Variants in SLC35E1 observed in about 807,000 individuals in gnomAD.
The protein encoded by SLC35E1 is solute carrier family 35, member E1.
A neutral mutation model predicts 31.0 loss-of-function variants in SLC35E1; 12 were observed. That is an observed-to-expected ratio of 0.39 (90% confidence interval 0.25 to 0.63). SLC35E1 has a LOEUF of 0.63. Among genes scored for constraint, SLC35E1 ranks in the 20% least tolerant of loss-of-function variants. The pLI, the probability that SLC35E1 is intolerant of heterozygous loss-of-function variation, is 0.52. For synonymous variants in SLC35E1, 257 were observed against 264.1 expected (o/e 0.97, Z 0.26); for missense variants, 429 against 572.2 (o/e 0.75, Z 2.55).
Position 16,555,302 on chromosome 19 carries a change from G to A in SLC35E1, c.852C>T (p.Asn284=). ...CCGAGTAGCTCAGGGGGCTAACGAG[G>A]TTGAGGATGCTGAAGGCGATAACAT... The part of the protein sequence containing the change: ...AQNVIAFSIL[N]LVSPLSYSVA... Residue 284 remains asparagine, a synonymous_variant, in exon 5 of 6, where the codon AAC becomes AAT. Coordinates refer to ENST00000595753, the MANE Select transcript of SLC35E1 (RefSeq NM_024881.5). The surrounding 1 kb of genome is among the most constrained non-coding windows in gnomAD (Gnocchi z 4.1). 2 of 1,614,192 alleles carry A rather than the reference G, an allele frequency of 1.2e-6. No homozygotes were observed. The highest frequency in any genetic ancestry group is 1.3e-5 in the African/African-American group (1 of 75,046).
chr19:16,566,987 TAA>T, intron 3 of SLC35E1, among the ~76,000 whole-genome samples: 1 of 152,348 alleles, frequency 6.6e-6, no homozygotes, highest in East Asian at 1.9e-4. Flanking sequence ...CAAACCATAT[TAA>T]GAGTGATTAA....
rs1568268992 is a variant in SLC35E1, at chr19:16,549,984, G to A, written c.*3695C>T. 6.6e-6 allele frequency: 1 copy of A among 152,146 alleles called. No homozygotes were observed. Among genetic ancestry groups the A allele is most frequent in the Non-Finnish European group, 1.5e-5 (1 of 68,030 alleles). 9.4% of individuals were successfully genotyped at this position (152,146 alleles called of 1,614,324 possible). On this transcript the variant is annotated 3_prime_UTR_variant, in exon 6 of 6. Coordinates refer to ENST00000595753, the MANE Select transcript of SLC35E1 (RefSeq NM_024881.5). ...TTTTCAGGTCTTTTAATAATTCAAT[G>A]CTCTGTGTCCTTCAGGCTGTGAGAC...
At chr19:16,554,268 A>G (rs923221151) in intron 5 of SLC35E1, among the ~76,000 whole-genome samples, 3 of 120,720 alleles carry the variant, frequency 2.5e-5, no homozygotes, top group Admixed American at 8.0e-5. Context: ...GCTGTCTCAG[A>G]AAAAAAAAAA....
In SLC35E1 at chr19:16,566,622, C is replaced by T. The variant is rs369139247; in HGVS notation, c.666G>A (p.Leu222=). 14 of 1,612,448 alleles carry T rather than the reference C, an allele frequency of 8.7e-6. 1 individual carries two copies. The highest frequency in any genetic ancestry group is 4.0e-5 in the African/African-American group (3 of 74,866). The change falls in exon 4 of 6, where the codon CTG becomes CTA. Residue 222 remains leucine (L), a synonymous_variant. Coordinates refer to ENST00000595753, the MANE Select transcript of SLC35E1 (RefSeq NM_024881.5). ...LRDSRIHHLR[L]LNILGCHAVF... ...CGGCGTGGCAGCCCAGGATGTTGAG[C>T]AGCCGGAGATGGTGGATCCGTGAAT...
chr19:16,557,962 C>T (rs751655330), intron 4 of SLC35E1, among the ~76,000 whole-genome samples: 3 of 152,004 alleles, frequency 2.0e-5, no homozygotes, highest in South Asian at 2.1e-4. Context: ...TACAGGCGCC[C>T]GCCACCATGC....
chr19:16,561,583 T>C (rs2085906730), intron 4 of SLC35E1, among the ~76,000 whole-genome samples: 1 of 152,204 alleles, frequency 6.6e-6, no homozygotes, highest in Admixed American at 6.5e-5. Flanking sequence ...TCCCCGCCTG[T>C]CTTTTGCCAA....
At chr19:16,558,958 C>T (rs932158883) in intron 4 of SLC35E1, among the ~76,000 whole-genome samples, 7 of 150,122 alleles carry the variant, frequency 4.7e-5, no homozygotes, top group Non-Finnish European at 8.9e-5. Flanking sequence ...TTAGTAGAGA[C>T]GGGGTTTCTC....
chr19:16,556,642 C>T (rs75596613), intron 4 of SLC35E1, among the ~76,000 whole-genome samples: 3,314 of 152,310 alleles, frequency 0.022, 129 homozygotes, highest in African/African-American at 0.075. Flanking sequence ...CTAGGCTGGT[C>T]CCAGGACAGG....
intron 5 of SLC35E1, among the ~76,000 whole-genome samples, chr19:16,554,691 G>A (rs954144354): frequency 4.0e-5 from 6 of 151,874 alleles, no homozygotes; most frequent in African/African-American, 1.2e-4. Context: ...TGTGGTAGGC[G>A]CCTGTAGTCC....
At chr19:16,557,126 T>C (rs1164692338) in intron 4 of SLC35E1, 1 of 359,106 alleles carries the variant, frequency 2.8e-6, no homozygotes, top group Non-Finnish European at 5.6e-6. Context: ...ACCCAACCAA[T>C]CTGGTTTAAA....
At chr19:16,569,184 C>T (rs887174644) in intron 2 of SLC35E1, among the ~76,000 whole-genome samples, 4 of 152,128 alleles carry the variant, frequency 2.6e-5, no homozygotes, top group Non-Finnish European at 5.9e-5. Flanking sequence ...ACCACCACGC[C>T]CAACTAATTT....
intron 5 of SLC35E1, among the ~76,000 whole-genome samples, 174 bp downstream of exon 5, chr19:16,554,978 T>C (rs1013808623): frequency 2.6e-5 from 4 of 152,136 alleles, no homozygotes; most frequent in African/African-American, 9.7e-5. Flanking sequence ...AGGTTGCCTA[T>C]GCAGGAAAAA....
At chr19:16,559,224 G>A (rs1158308773) in intron 4 of SLC35E1, among the ~76,000 whole-genome samples, 1 of 151,988 alleles carries the variant, frequency 6.6e-6, no homozygotes, top group Non-Finnish European at 1.5e-5. Flanking sequence ...GCTGAGGTAG[G>A]AGAATCACTT....
At chr19:16,564,595 T>C (rs2122341697) in intron 4 of SLC35E1, among the ~76,000 whole-genome samples, 1 of 152,146 alleles carries the variant, frequency 6.6e-6, no homozygotes, top group East Asian at 1.9e-4. Flanking sequence ...CTGGAGCCAC[T>C]GCGCCTGGCC....
intron 4 of SLC35E1, among the ~76,000 whole-genome samples, chr19:16,564,509 T>C (rs1275117588): frequency 2.6e-5 from 4 of 152,026 alleles, no homozygotes; most frequent in African/African-American, 7.3e-5. Context: ...TTTCACCACG[T>C]TGGCCAGGCT....
intron 4 of SLC35E1, among the ~76,000 whole-genome samples, chr19:16,557,685 T>C (rs1345054203): frequency 6.6e-6 from 1 of 152,250 alleles, no homozygotes; most frequent in East Asian, 1.9e-4. Flanking sequence ...CTGGGAACCT[T>C]TGGAGACAGG....
At chr19:16,568,756 C>T (rs766667157) in intron 2 of SLC35E1, among the ~76,000 whole-genome samples, 4 of 152,188 alleles carry the variant, frequency 2.6e-5, no homozygotes, top group South Asian at 2.1e-4. Context: ...TAGTCTTGAA[C>T]GCCTGATCCA....
chr19:16,558,384 T>TG (rs1276259075), intron 4 of SLC35E1, among the ~76,000 whole-genome samples: 1 of 152,108 alleles, frequency 6.6e-6, no homozygotes, highest in Non-Finnish European at 1.5e-5. Flanking sequence ...TCACCCAGGT[T>TG]GGAGTGCAGT....
chr19:16,569,347 T>C (rs780849996), intron 2 of SLC35E1, among the ~76,000 whole-genome samples: 1 of 151,678 alleles, frequency 6.6e-6, no homozygotes, highest in Non-Finnish European at 1.5e-5. Context: ...GTCTGTTACA[T>C]CATCCGGTCC....
Sources: gnomAD v4.1 joint callset for allele counts (sites outside exome capture counted in the v4.1 genomes callset) on GRCh38, gnomAD v4.1.1 for gene constraint, Gnocchi (gnomAD v3.1) non-coding constraint, MANE v1.5 for transcripts, NCBI Gene and HGNC (gene_info 2026-07-23, HGNC 2026-07-21) for gene names.